RBFOX1: variants seen among roughly 807,000 people sequenced by gnomAD.
RBFOX1 encodes the protein RNA binding fox-1 homolog 1.
RBFOX1 carries 8 observed loss-of-function variants against 57.7 expected under a neutral mutation model. The ratio of observed to expected loss-of-function variants is 0.14; its 90% confidence interval spans 0.08 to 0.25. RBFOX1 has a LOEUF of 0.25. Among genes scored for constraint, RBFOX1 ranks in the 10% least tolerant of loss-of-function variants. The pLI, the probability that RBFOX1 is intolerant of heterozygous loss-of-function variation, is 1.00. For missense variants in RBFOX1, 611 were observed against 548.5 expected (o/e 1.11, Z -1.14); for synonymous variants, 326 against 222.4 (o/e 1.47, Z -4.15).
intron 3 of RBFOX1, among the ~76,000 whole-genome samples, chr16:6,831,520 T>C (rs911953280): frequency 4.6e-5 from 7 of 152,206 alleles, no homozygotes; most frequent in Non-Finnish European, 7.3e-5. Context: ...TTTTTGAATA[T>C]AAGAGATTTC....
intron 3 of RBFOX1, among the ~76,000 whole-genome samples, chr16:6,698,667 A>G (rs1186703494): frequency 6.6e-6 from 1 of 152,138 alleles, no homozygotes; most frequent in African/African-American, 2.4e-5. Flanking sequence ...CTTTTAGGTT[A>G]GAATCACATT....
At chr16:6,959,317 A>C (rs1185978582) in intron 3 of RBFOX1, among the ~76,000 whole-genome samples, 1 of 152,134 alleles carries the variant, frequency 6.6e-6, no homozygotes, top group Non-Finnish European at 1.5e-5. Flanking sequence ...TTCTGTTTTT[A>C]ATCTCTCAGA....
At chr16:5,416,748 A>G (rs1480636425) in intron 1 of RBFOX1, among the ~76,000 whole-genome samples, 1 of 151,758 alleles carries the variant, frequency 6.6e-6, no homozygotes, top group African/African-American at 2.4e-5. Context: ...CCAGAGTTGG[A>G]ATCAACTCCC....
chr16:5,748,551 G>A (rs1023528323), intron 3 of RBFOX1, among the ~76,000 whole-genome samples: 1 of 151,996 alleles, frequency 6.6e-6, no homozygotes, highest in Non-Finnish European at 1.5e-5. Flanking sequence ...TATGAATGTG[G>A]GTGCTGTATT....
At chr16:7,072,293 C>T (rs1793698969) in intron 4 of RBFOX1, among the ~76,000 whole-genome samples, 2 of 152,180 alleles carry the variant, frequency 1.3e-5, no homozygotes, top group South Asian at 4.1e-4. Flanking sequence ...TACTCTTATT[C>T]TTCATTCATC....
At chr16:5,652,972 C>T (rs1168175749) in intron 3 of RBFOX1, among the ~76,000 whole-genome samples, 1 of 152,198 alleles carries the variant, frequency 6.6e-6, no homozygotes, top group Non-Finnish European at 1.5e-5. Context: ...CCTGTGCACA[C>T]TCAACCTGCT....
At chr16:6,821,047 C>G (rs72766752) in intron 3 of RBFOX1, among the ~76,000 whole-genome samples, 13 of 152,124 alleles carry the variant, frequency 8.5e-5, no homozygotes, top group Non-Finnish European at 1.5e-4. Flanking sequence ...AAAACAGATT[C>G]CTATATATTT....
At chr16:5,879,315 G>C (rs910835457) in intron 4 of RBFOX1, among the ~76,000 whole-genome samples, 2 of 152,194 alleles carry the variant, frequency 1.3e-5, no homozygotes, top group Admixed American at 6.5e-5. Flanking sequence ...TCCTCAGATC[G>C]TATTTGGACT....
At chr16:7,251,969 G>T (rs2094514994) in intron 4 of RBFOX1, among the ~76,000 whole-genome samples, 1 of 152,302 alleles carries the variant, frequency 6.6e-6, no homozygotes. Flanking sequence ...GGGGCACTGG[G>T]TGATTCTTAA....
rs1597904884 is a variant in RBFOX1 at position 5,946,656 on chromosome 16, G to GAA, written c.351+79322_351+79323dup. On this transcript the variant is annotated intron_variant, in intron 4 of 19. Transcript: ENST00000641259. The surrounding 1 kb of genome is among the most constrained non-coding windows in gnomAD (Gnocchi z 4.6). ...CGTGCTAGGCAACTATTGAACCAGA[G>GAA]AAGGGGGTTATGAGAATCTCTGATT... is the stretch of plus-strand genomic sequence containing the variant. Among the ~76,000 whole-genome samples the GAA allele has an allele frequency of 2.0e-5, 3 of 152,312 alleles. No individual in the cohort carries two copies. The East Asian group carries it at 5.8e-4, about 29-fold the overall frequency.
intron 3 of RBFOX1, among the ~76,000 whole-genome samples, chr16:6,685,272 T>A (rs1274807567): frequency 2.0e-5 from 2 of 102,268 alleles, no homozygotes; most frequent in Non-Finnish European, 4.3e-5. Flanking sequence ...GGAGAGTTTT[T>A]CTTTTTTTTT....
At chr16:7,670,982 A>T (rs1422667651) in intron 13 of RBFOX1, among the ~76,000 whole-genome samples, 1 of 152,120 alleles carries the variant, frequency 6.6e-6, no homozygotes, top group Admixed American at 6.5e-5. Context: ...ACGCACACAC[A>T]CTCATATATA....
At chr16:6,569,571 G>A (rs572886143) in intron 2 of RBFOX1, among the ~76,000 whole-genome samples, 2 of 152,350 alleles carry the variant, frequency 1.3e-5, no homozygotes, top group South Asian at 2.1e-4. Context: ...GCTATGAGCT[G>A]TAATTGGGTT....
At chr16:6,759,795 G>A (rs572900554) in intron 3 of RBFOX1, among the ~76,000 whole-genome samples, 1 of 152,212 alleles carries the variant, frequency 6.6e-6, no homozygotes, top group Admixed American at 6.5e-5. Flanking sequence ...GCCAAGATGT[G>A]GCTATGAGGA....
At chr16:6,345,219 C>A (rs2085190882) in intron 2 of RBFOX1, among the ~76,000 whole-genome samples, 1 of 151,982 alleles carries the variant, frequency 6.6e-6, no homozygotes, top group South Asian at 2.1e-4. Flanking sequence ...TTGGCTTTAC[C>A]CAGAAGAGAA....
At chr16:7,110,684 G>A (rs1042487239) in intron 4 of RBFOX1, among the ~76,000 whole-genome samples, 1 of 152,100 alleles carries the variant, frequency 6.6e-6, no homozygotes, top group Admixed American at 6.6e-5. Context: ...GTTAAATGAG[G>A]CAGGAGTCAA....
At chr16:5,657,461 A>C (rs761290213) in intron 3 of RBFOX1, among the ~76,000 whole-genome samples, 9 of 152,164 alleles carry the variant, frequency 5.9e-5, no homozygotes, top group Non-Finnish European at 1.3e-4. Flanking sequence ...AATGGGGTGG[A>C]ATAAGAATGC....
chr16:6,829,255 A>G (rs2092494412), intron 3 of RBFOX1, among the ~76,000 whole-genome samples: 3 of 152,138 alleles, frequency 2.0e-5, no homozygotes, highest in African/African-American at 7.2e-5. Flanking sequence ...AGAAAAAAAA[A>G]AAAAATAGCA....
chr16:7,422,733 C>A (rs750902872), intron 4 of RBFOX1: 8 of 152,008 alleles, frequency 5.3e-5, no homozygotes, highest in Non-Finnish European at 1.2e-4. Flanking sequence ...CAAACCCCTC[C>A]CCTCCCATGT....
Sources: allele counts gnomAD v4.1 joint callset (sites outside exome capture counted in the v4.1 genomes callset), GRCh38; gene constraint gnomAD v4.1.1; non-coding constraint Gnocchi (gnomAD v3.1); transcripts MANE v1.5; gene names NCBI Gene and HGNC (gene_info 2026-07-23, HGNC 2026-07-21).